PRKAG2: variants seen among roughly 807,000 people sequenced by gnomAD.
PRKAG2 encodes protein kinase AMP-activated non-catalytic subunit gamma 2, also known as 5'-AMP-activated protein kinase subunit gamma-2.
PRKAG2 carries 26 observed loss-of-function variants against 69.6 expected under a neutral mutation model. That is an observed-to-expected ratio of 0.37 (90% confidence interval 0.27 to 0.52). PRKAG2 has a LOEUF of 0.52. PRKAG2 is among the 20% of genes least tolerant of loss of function. The pLI is 0.90. For missense variants in PRKAG2, 557 were observed against 740.0 expected, an observed-to-expected ratio of 0.75 and a Z score of 2.87; for synonymous variants, 293 against 285.0, an observed-to-expected ratio of 1.03 and a Z score of -0.28.
At chr7:151,580,853 G>A (rs775699033) in intron 6 of PRKAG2, among the ~76,000 whole-genome samples, 1 of 152,134 alleles carries the variant, frequency 6.6e-6, no homozygotes, top group Non-Finnish European at 1.5e-5. Context: ...ATAAAAAAAT[G>A]TAGTTAGATA....
Position 151,646,420 on chromosome 7 carries a change from T to C in PRKAG2, c.685-14282A>G, listed in dbSNP as rs981628121. ...CTTTTGTTAAATTTATTCCTAAGTATTTATTTTTTGATGCTCTCATAAATG... is the reference window on the plus strand; with the variant it reads ...CTTTTGTTAAATTTATTCCTAAGTACTTATTTTTTGATGCTCTCATAAATG... On this transcript the variant is annotated intron_variant, in intron 4 of 15. Transcript: ENST00000287878. Among the ~76,000 whole-genome samples the C allele has an allele frequency of 4.6e-5, 7 of 152,360 alleles. No individual in the cohort carries two copies. The East Asian group carries it at 1.3e-3, about 29-fold the overall frequency.
chr7:151,620,939 A>C (rs993066412), intron 5 of PRKAG2, among the ~76,000 whole-genome samples: 1 of 152,080 alleles, frequency 6.6e-6, no homozygotes, highest in Non-Finnish European at 1.5e-5. Flanking sequence ...TGACTTCCCA[A>C]AGGGCTGGGA....
chr7:151,864,322 G>T (rs1252358623), intron 1 of PRKAG2, among the ~76,000 whole-genome samples: 1 of 152,220 alleles, frequency 6.6e-6, no homozygotes, highest in African/African-American at 2.4e-5. Flanking sequence ...TTCAATCCTT[G>T]CTTCGCCACT....
At chr7:151,795,261 A>T (rs1481340791) in intron 1 of PRKAG2, among the ~76,000 whole-genome samples, 1 of 152,112 alleles carries the variant, frequency 6.6e-6, no homozygotes, top group East Asian at 1.9e-4. Flanking sequence ...GGAGGCAAGT[A>T]CCTGGGAGGC....
intron 1 of PRKAG2, among the ~76,000 whole-genome samples, chr7:151,869,669 C>T (rs2080166875): frequency 6.6e-6 from 1 of 152,248 alleles, no homozygotes; most frequent in Admixed American, 6.5e-5. Flanking sequence ...TGTCTAGCTG[C>T]CCGTTCCCTC....
intron 3 of PRKAG2, among the ~76,000 whole-genome samples, chr7:151,731,522 C>G (rs931059454): frequency 8.4e-4 from 90 of 107,762 alleles, no homozygotes; most frequent in African/African-American, 2.1e-3. Context: ...GGGGAGAGCT[C>G]TGTGTGTGTG....
intron 1 of PRKAG2, among the ~76,000 whole-genome samples, chr7:151,842,893 T>C (rs903810807): frequency 6.6e-6 from 1 of 151,960 alleles, no homozygotes; most frequent in African/African-American, 2.4e-5. Context: ...AACGTGTCTT[T>C]AGGATAGAAA....
chr7:151,591,875 C>T (rs1418222279), intron 6 of PRKAG2, among the ~76,000 whole-genome samples: 3 of 152,124 alleles, frequency 2.0e-5, no homozygotes, highest in East Asian at 3.8e-4. Flanking sequence ...AATGACTCTC[C>T]CGCTGGGAAA....
chr7:151,695,515 T>A (rs1836466515), intron 3 of PRKAG2, among the ~76,000 whole-genome samples: 1 of 152,156 alleles, frequency 6.6e-6, no homozygotes, highest in Admixed American at 6.5e-5. Flanking sequence ...GTGCCGGCAT[T>A]GTGCAGGAAG....
intron 1 of PRKAG2, among the ~76,000 whole-genome samples, chr7:151,823,889 T>C (rs957633088): frequency 2.0e-5 from 3 of 152,248 alleles, no homozygotes; most frequent in Middle Eastern, 3.4e-3. Flanking sequence ...TGAATCAAAA[T>C]TGCTGGGGCT....
At chr7:151,700,499 C>T (rs1837494734) in intron 3 of PRKAG2, among the ~76,000 whole-genome samples, 1 of 152,172 alleles carries the variant, frequency 6.6e-6, no homozygotes, top group South Asian at 2.1e-4. Flanking sequence ...GAATCAGGAC[C>T]CCCTTTTTAA....
At chr7:151,757,221 A>G (rs1316825595) in intron 3 of PRKAG2, among the ~76,000 whole-genome samples, 1 of 152,192 alleles carries the variant, frequency 6.6e-6, no homozygotes, top group African/African-American at 2.4e-5. Flanking sequence ...CCTCCACACA[A>G]AGCACAAAAC....
At position 151,876,840 on chromosome 7, in the gene PRKAG2, AG is replaced by A. The variant is rs1402410554; in HGVS notation, c.-221del. 12 of 605,082 alleles carry A rather than the reference AG, an allele frequency of 2.0e-5. No homozygotes were observed. Among genetic ancestry groups the A allele is most frequent in the African/African-American group, 5.6e-5 (3 of 54,034 alleles). The allele number at this position is 605,082 out of a possible 1,614,324, so 37.5% of individuals were successfully genotyped here. On this transcript the variant is annotated 5_prime_UTR_variant, in exon 1 of 16. Coordinates refer to ENST00000287878, the MANE Select transcript of PRKAG2 (RefSeq NM_016203.4). ...GCGTCCTTTCCTACGGAACCCTCGT[AG>A]GCAAATCAGTCAAAGCCCGTCCCGG... is the stretch of plus-strand genomic sequence containing the variant.
intron 1 of PRKAG2, among the ~76,000 whole-genome samples, chr7:151,815,701 T>C (rs2078621168): frequency 6.6e-6 from 1 of 152,216 alleles, no homozygotes; most frequent in Non-Finnish European, 1.5e-5. Context: ...TGAGTCTGCA[T>C]GTCTTCCTGT....
chr7:151,731,049 G>A (rs1366463596), intron 3 of PRKAG2, among the ~76,000 whole-genome samples: 1 of 152,172 alleles, frequency 6.6e-6, no homozygotes, highest in Admixed American at 6.6e-5. Context: ...GACGCTAAAT[G>A]GTTTTTATTT....
At chr7:151,742,635 AAAAAT>A (rs948708228) in intron 3 of PRKAG2, among the ~76,000 whole-genome samples, 2 of 151,398 alleles carry the variant, frequency 1.3e-5, no homozygotes, top group Non-Finnish European at 2.9e-5. Flanking sequence ...CAAAAAAAAA[AAAAAT>A]AAAATAAAAT....
chr7:151,575,071 G>A, intron 7 of PRKAG2, 122 bp from the exon 8 acceptor site: 1 of 1,357,202 alleles, frequency 7.4e-7, no homozygotes, highest in Non-Finnish European at 9.9e-7. Context: ...AAGATATCAA[G>A]CAGAGTTTAA....
chr7:151,726,340 G>A (rs1477320710), intron 3 of PRKAG2, among the ~76,000 whole-genome samples: 1 of 151,134 alleles, frequency 6.6e-6, no homozygotes, highest in Non-Finnish European at 1.5e-5. Flanking sequence ...TGAAGACACA[G>A]CACCTGCTTA....
intron 1 of PRKAG2, among the ~76,000 whole-genome samples, chr7:151,873,933 T>A (rs1050360574): frequency 3.3e-5 from 5 of 152,076 alleles, no homozygotes; most frequent in African/African-American, 4.8e-5. Context: ...CTCTATATAT[T>A]TTTTTAAAAA....
Sources: allele counts gnomAD v4.1 joint callset (sites outside exome capture counted in the v4.1 genomes callset), GRCh38; gene constraint gnomAD v4.1.1; transcripts MANE v1.5; gene names NCBI Gene and HGNC (gene_info 2026-07-23, HGNC 2026-07-21).